FREM1: variants seen among roughly 807,000 people sequenced by gnomAD.
The protein encoded by FREM1 is FRAS1-related extracellular matrix protein 1.
FREM1 carries 220 observed loss-of-function variants against 210.1 expected under a neutral mutation model. That is an observed-to-expected ratio of 1.05 (90% CI 0.94 to 1.17). The LOEUF (loss-of-function observed/expected upper bound fraction) is 1.17, where lower values mean the gene tolerates loss of function less well. Among genes scored for constraint, FREM1 ranks in the 50% most tolerant of loss-of-function variants. The pLI, the probability that FREM1 is intolerant of heterozygous loss-of-function variation, is 0.00. For synonymous variants in FREM1, 1,189 were observed against 980.2 expected, an observed-to-expected ratio of 1.21 and a Z score of -3.98; for missense variants, 3,454 against 2,675.5, an observed-to-expected ratio of 1.29 and a Z score of -6.42.
At chr9:14,789,634 A>T (rs1850968026) in intron 22 of FREM1, among the ~76,000 whole-genome samples, 1 of 152,230 alleles carries the variant, frequency 6.6e-6, no homozygotes. Context: ...CTTACTAAAG[A>T]AAGAAAATGA....
chr9:14,743,620 G>A (rs896411987), intron 35 of FREM1, among the ~76,000 whole-genome samples: 2 of 152,006 alleles, frequency 1.3e-5, no homozygotes, highest in African/African-American at 4.8e-5. Context: ...CCAGTTACTT[G>A]CATTGGCCTT....
chr9:14,746,261 G>T, intron 35 of FREM1, 92 bp downstream of exon 35: 2 of 924,282 alleles, frequency 2.2e-6, no homozygotes, highest in Non-Finnish European at 3.4e-6. Context: ...CTCAATACTT[G>T]TTGAATGAAT....
chr9:14,789,176 G>A, intron 22 of FREM1, 62 bp from the exon 23 acceptor site: 2 of 1,131,624 alleles, frequency 1.8e-6, no homozygotes, highest in South Asian at 2.0e-5. Flanking sequence ...ACGTACGTTA[G>A]TGGACATTTT....
chr9:14,870,256 C>A (rs547449324), intron 1 of FREM1, among the ~76,000 whole-genome samples: 9 of 152,318 alleles, frequency 5.9e-5, no homozygotes, highest in Non-Finnish European at 1.3e-4. Flanking sequence ...TATTTCCATT[C>A]CCTTGTCACT....
At chr9:14,807,854 C>T (rs968289248) in intron 17 of FREM1, 86 bp downstream of exon 17, 2 of 925,022 alleles carry the variant, frequency 2.2e-6, no homozygotes, top group East Asian at 2.7e-5. Context: ...TCTTTTTAGA[C>T]TATAAATGAA....
rs910050386 is a variant in FREM1, at chr9:14,836,501, G to A, written c.1881+4946C>T. ...AAAATCAAATCAAAATTATTAACAGGCTCAGGGAAAATGCCGGCTTCAGCC... is the reference window on the plus strand; with the variant it reads ...AAAATCAAATCAAAATTATTAACAGACTCAGGGAAAATGCCGGCTTCAGCC... On this transcript the variant is annotated intron_variant, in intron 10 of 36. Coordinates refer to ENST00000380880, the MANE Select transcript of FREM1 (RefSeq NM_001379081.2). This position sits in a 1 kb window ranked among gnomAD's most constrained non-coding sequence, Gnocchi z 4.9. Among the ~76,000 whole-genome samples the A allele has an allele frequency of 6.6e-6, 1 of 152,110 alleles. No homozygotes were observed. The highest frequency in any genetic ancestry group is 1.9e-4 in the East Asian group (1 of 5,192).
intron 1 of FREM1, among the ~76,000 whole-genome samples, chr9:14,879,257 C>G (rs1038935473): frequency 7.3e-5 from 11 of 151,684 alleles, no homozygotes; most frequent in Non-Finnish European, 1.2e-4. Flanking sequence ...CACAAAAAGG[C>G]ACATCATCCT....
At chr9:14,831,424 T>C (rs1823536422) in intron 10 of FREM1, among the ~76,000 whole-genome samples, 1 of 152,334 alleles carries the variant, frequency 6.6e-6, no homozygotes, top group East Asian at 1.9e-4. Flanking sequence ...CTTCTGTGAA[T>C]GGAAAGTTTC....
chr9:14,845,958 A>C lies in FREM1; in HGVS notation c.1393+2T>G, dbSNP rs1826526526. 1.8e-5 allele frequency: 29 copies of C among 1,613,338 alleles called. No individual in the cohort carries two copies. Among genetic ancestry groups the C allele is most frequent in the Non-Finnish European group, 2.5e-5 (29 of 1,179,544 alleles). ...GCTAGGTTACCAAGTTGGATCATTC[A>C]CCTCTTAAAGTCAGCCATCCATGCT... On this transcript the variant is annotated splice_donor_variant, in intron 8 of 36. Coordinates refer to ENST00000380880, the MANE Select transcript of FREM1 (RefSeq NM_001379081.2). LOFTEE classifies it high-confidence loss of function.
At chr9:14,778,339 A>G (rs1020536449) in intron 24 of FREM1, among the ~76,000 whole-genome samples, 13 of 113,790 alleles carry the variant, frequency 1.1e-4, no homozygotes, top group African/African-American at 4.0e-4. Flanking sequence ...AGGCTGGTGC[A>G]GTGGCTCACA....
Position 14,805,026 on chromosome 9 carries a change from T to A in FREM1, c.3401A>T (p.Glu1134Val), listed in dbSNP as rs1290149846. 1.2e-6 allele frequency: 2 copies of A among 1,613,820 alleles called. No homozygotes were observed. Among genetic ancestry groups the A allele is most frequent in the Non-Finnish European group, 1.7e-6 (2 of 1,179,738 alleles). ...GTTGATTATAATAGAAAATGGTATCTCCAAGGAGTGATGCTTCCCATCTGT... is the reference window on the plus strand; with the variant it reads ...GTTGATTATAATAGAAAATGGTATCACCAAGGAGTGATGCTTCCCATCTGT... Reference protein sequence around the residue: ...YVTDGKHHSLEIPFSIIINPT... With the variant: ...YVTDGKHHSLVIPFSIIINPT... The change falls in exon 19 of 37, where the codon GAG (glutamate) becomes GTG (valine). Residue 1134 changes from glutamate (E) to valine (V), a missense_variant. By Grantham distance (121) the Glu-to-Val change is moderately radical. Transcript: ENST00000380880.
At chr9:14,781,333 C>T (rs916855124) in intron 24 of FREM1, among the ~76,000 whole-genome samples, 6 of 152,128 alleles carry the variant, frequency 3.9e-5, no homozygotes, top group African/African-American at 7.2e-5. Flanking sequence ...GGGATTGCAC[C>T]AAATCAATGC....
chr9:14,906,159 A>T (rs576592106), intron 1 of FREM1, among the ~76,000 whole-genome samples: 2 of 152,250 alleles, frequency 1.3e-5, no homozygotes, highest in Non-Finnish European at 2.9e-5. Context: ...ATAAACGAAC[A>T]TCTAGTGAGG....
At chr9:14,856,985 T>C (rs186986620) in intron 5 of FREM1, among the ~76,000 whole-genome samples, 1 of 152,236 alleles carries the variant, frequency 6.6e-6, no homozygotes, top group South Asian at 2.1e-4. Flanking sequence ...ATTATTTCAA[T>C]ATATAGAGAT....
chr9:14,900,192 C>G (rs74988611), intron 1 of FREM1, among the ~76,000 whole-genome samples: 1,603 of 152,208 alleles, frequency 0.011, 11 homozygotes, highest in Non-Finnish European at 0.015. Flanking sequence ...TAGAGGACCC[C>G]CTCTTCAGCT....
At chr9:14,905,566 C>T (rs1588688602) in intron 1 of FREM1, among the ~76,000 whole-genome samples, 1 of 152,156 alleles carries the variant, frequency 6.6e-6, no homozygotes, top group Non-Finnish European at 1.5e-5. Context: ...CTTGAGCTCA[C>T]GGATCTGTGT....
chr9:14,771,737 G>C (rs1277798730), intron 25 of FREM1, among the ~76,000 whole-genome samples: 2 of 152,058 alleles, frequency 1.3e-5, no homozygotes, highest in African/African-American at 4.8e-5. Flanking sequence ...GCAAAGTAAA[G>C]AATTCTTGTC....
chr9:14,740,009 T>C, intron 36 of FREM1, 140 bp downstream of exon 36: 1 of 450,982 alleles, frequency 2.2e-6, no homozygotes, highest in Non-Finnish European at 3.9e-6. Flanking sequence ...TTTTAAAAGA[T>C]AAATGGCTAG....
At chr9:14,898,187 T>C (rs972667355) in intron 1 of FREM1, among the ~76,000 whole-genome samples, 3 of 152,174 alleles carry the variant, frequency 2.0e-5, no homozygotes, top group African/African-American at 7.2e-5. Context: ...AAGGTTCCTA[T>C]TCTTCCTTGG....
Sources: allele counts gnomAD v4.1 joint callset (sites outside exome capture counted in the v4.1 genomes callset), GRCh38; gene constraint gnomAD v4.1.1; non-coding constraint Gnocchi (gnomAD v3.1); transcripts MANE v1.5; gene names NCBI Gene and HGNC (gene_info 2026-07-23, HGNC 2026-07-21).